AUTS2: variants seen among roughly 807,000 people sequenced by gnomAD.
AUTS2 encodes activator of transcription and developmental regulator AUTS2, also known as autism susceptibility gene 2 protein.
A neutral mutation model predicts 112.4 loss-of-function variants in AUTS2; 17 were observed. The ratio of observed to expected loss-of-function variants is 0.15; its 90% CI spans 0.10 to 0.23. The LOEUF is 0.23. Among genes scored for constraint, AUTS2 ranks in the 10% least tolerant of loss-of-function variants. The pLI is 1.00. For missense variants in AUTS2, 1,510 were observed against 1,701.6 expected (o/e 0.89, Z 1.98); for synonymous variants, 751 against 702.7 (o/e 1.07, Z -1.09).
chr7:69,776,770 G>A (rs187228772), intron 1 of AUTS2, among the ~76,000 whole-genome samples: 58 of 152,236 alleles, frequency 3.8e-4, no homozygotes, highest in Non-Finnish European at 6.8e-4. Flanking sequence ...AGGAATGTTT[G>A]GATGTGGTAC....
chr7:70,130,594 A>G (rs748403062), intron 3 of AUTS2, among the ~76,000 whole-genome samples: 5 of 152,158 alleles, frequency 3.3e-5, no homozygotes, highest in African/African-American at 4.8e-5. Context: ...AGATTGAGAC[A>G]AAGAGAGTGT....
intron 10 of AUTS2, 117 bp from the exon 11 acceptor site, chr7:70,771,432 A>C: frequency 1.3e-6 from 1 of 745,136 alleles, no homozygotes; most frequent in Non-Finnish European, 2.2e-6. Flanking sequence ...GACTAATGGC[A>C]TCAAACTGAG....
chr7:70,046,751 A>G (rs1192597302), intron 2 of AUTS2, among the ~76,000 whole-genome samples: 2 of 152,292 alleles, frequency 1.3e-5, no homozygotes, highest in African/African-American at 4.8e-5. Context: ...TTTCTTTGTC[A>G]CCAGGTATAT....
chr7:70,231,428 G>A (rs1053601317), intron 4 of AUTS2, among the ~76,000 whole-genome samples: 1 of 152,022 alleles, frequency 6.6e-6, no homozygotes, highest in Non-Finnish European at 1.5e-5. Flanking sequence ...TTTGTAATCT[G>A]TGTGGTTTTT....
intron 17 of AUTS2, among the ~76,000 whole-genome samples, chr7:70,786,374 AGTTACAGCAATT>A (rs59242442): frequency 0.03 from 4,568 of 152,316 alleles, 213 homozygotes; most frequent in African/African-American, 0.098. Flanking sequence ...TGAAAGCAAT[AGTTACAGCAATT>A]GTTACATTTC....
rs552721510 is a variant in AUTS2 at position 70,399,888 on chromosome 7, T to C, written c.661-35864T>C. Among the ~76,000 whole-genome samples the C allele has an allele frequency of 4.6e-5, 7 of 152,268 alleles. No homozygotes were observed. The South Asian group carries it at 1.5e-3, about 32-fold the overall frequency. On this transcript the variant is annotated intron_variant, in intron 4 of 18. Coordinates refer to ENST00000342771, the MANE Select transcript of AUTS2 (RefSeq NM_015570.4). ...GAGAATAGCCAACTAGACTCAGATTTAGTGTGCGGTGGTAAGCTATTCAGA... is the reference window on the plus strand; with the variant it reads ...GAGAATAGCCAACTAGACTCAGATTCAGTGTGCGGTGGTAAGCTATTCAGA...
intron 3 of AUTS2, among the ~76,000 whole-genome samples, chr7:70,126,899 T>C (rs1806002961): frequency 6.6e-6 from 1 of 152,120 alleles, no homozygotes. Context: ...CGATCTCGGC[T>C]CACTGCAACC....
chr7:70,431,396 G>T (rs564126751), intron 4 of AUTS2, among the ~76,000 whole-genome samples: 37 of 151,718 alleles, frequency 2.4e-4, no homozygotes, highest in East Asian at 9.7e-4. Context: ...TGTTTTTTTT[G>T]TTTGTTTGTT....
At chr7:70,613,599 G>A (rs762013316) in intron 5 of AUTS2, among the ~76,000 whole-genome samples, 138 of 152,150 alleles carry the variant, frequency 9.1e-4, no homozygotes, top group Admixed American at 1.1e-3. Flanking sequence ...CACTGTGACA[G>A]TGTTGACCCC....
intron 6 of AUTS2, among the ~76,000 whole-genome samples, chr7:70,717,703 C>G (rs982842576): frequency 1.3e-5 from 2 of 152,180 alleles, no homozygotes; most frequent in African/African-American, 4.8e-5. Flanking sequence ...ACCTCAAGCC[C>G]TCGCCAGCCT....
chr7:70,609,168 A>C (rs1563073758), intron 5 of AUTS2, among the ~76,000 whole-genome samples: 1 of 152,104 alleles, frequency 6.6e-6, no homozygotes, highest in East Asian at 1.9e-4. Flanking sequence ...TTCTAAACAC[A>C]TTCCTTCTGT....
intron 1 of AUTS2, among the ~76,000 whole-genome samples, chr7:69,629,034 C>T (rs767527503): frequency 2.6e-5 from 4 of 152,122 alleles, no homozygotes; most frequent in East Asian, 1.9e-4. Flanking sequence ...TCAGCTGCTA[C>T]GTGCATTTTG....
At chr7:70,532,373 A>G (rs1311759740) in intron 5 of AUTS2, among the ~76,000 whole-genome samples, 4 of 152,144 alleles carry the variant, frequency 2.6e-5, no homozygotes, top group Non-Finnish European at 4.4e-5. Context: ...ACCACCTTTC[A>G]TGGTGCCTAG....
intron 4 of AUTS2, among the ~76,000 whole-genome samples, chr7:70,180,485 A>G (rs932290184): frequency 2.0e-5 from 3 of 152,218 alleles, no homozygotes; most frequent in African/African-American, 4.8e-5. Flanking sequence ...TATTCTTTGC[A>G]AAGGAAGTCT....
intron 4 of AUTS2, among the ~76,000 whole-genome samples, chr7:70,285,953 T>C (rs1003597421): frequency 1.3e-5 from 2 of 152,214 alleles, no homozygotes; most frequent in African/African-American, 2.4e-5. Flanking sequence ...ATTAGCAATG[T>C]TGTAAGGGGC....
chr7:70,524,049 G>T lies in AUTS2; in HGVS notation c.690+88268G>T, dbSNP rs1406532558. On this transcript the variant is annotated intron_variant, in intron 5 of 18. Coordinates refer to ENST00000342771, the MANE Select transcript of AUTS2 (RefSeq NM_015570.4). Reference sequence around the variant, plus strand: ...TTCAGTGAAGTTATTCGAACAAAATGGTTACATTTGGAGGCAACGCTACTA... The same window carrying T: ...TTCAGTGAAGTTATTCGAACAAAATTGTTACATTTGGAGGCAACGCTACTA... 3.9e-5 allele frequency among the ~76,000 whole-genome samples: 6 copies of T among 152,320 alleles called. No individual in the cohort carries two copies. The Middle Eastern group carries it at 0.014, about 345-fold the overall frequency.
At chr7:69,878,240 A>C (rs947561090) in intron 1 of AUTS2, among the ~76,000 whole-genome samples, 1 of 152,172 alleles carries the variant, frequency 6.6e-6, no homozygotes, top group Non-Finnish European at 1.5e-5. Context: ...TCTGCTGGAC[A>C]AACAATGGTT....
rs1219887883 is a variant in AUTS2, at chr7:70,787,421, G to A, written c.2521G>A (p.Asp841Asn). The A allele has an allele frequency of 1.9e-6, 3 of 1,611,064 alleles. No individual in the cohort carries two copies. Among genetic ancestry groups the A allele is most frequent in the East Asian group, 2.2e-5 (1 of 44,834 alleles). ...ACGAGACTCATCTGTTAGTAAAGATGACAAAGAAAGGTACGGAAAGAAACC... is the reference window on the plus strand; with the variant it reads ...ACGAGACTCATCTGTTAGTAAAGATAACAAAGAAAGGTACGGAAAGAAACC... Reference protein sequence around the residue: ...DKRDSSVSKDDKERESVEKRH... With the variant: ...DKRDSSVSKDNKERESVEKRH... The change falls in exon 18 of 19, where the codon GAC (aspartate) becomes AAC (asparagine). Residue 841 changes from aspartate to asparagine, a missense_variant. Asp to Asn is a conservative substitution (Grantham distance 23, BLOSUM62 1). Transcript: ENST00000342771.
chr7:69,904,471 C>T (rs962432596), intron 2 of AUTS2, among the ~76,000 whole-genome samples: 1 of 152,180 alleles, frequency 6.6e-6, no homozygotes, highest in South Asian at 2.1e-4. Context: ...CTAGAGCCTA[C>T]AGGTTTCTGG....
Sources: allele counts gnomAD v4.1 joint callset (sites outside exome capture counted in the v4.1 genomes callset), GRCh38; gene constraint gnomAD v4.1.1; transcripts MANE v1.5; gene names NCBI Gene and HGNC (gene_info 2026-07-23, HGNC 2026-07-21).